The following DAPK2 variants were observed in gnomAD, a reference collection of about 807,000 sequenced individuals.
DAPK2 encodes death associated protein kinase 2.
A neutral mutation model predicts 44.1 loss-of-function variants in DAPK2; 35 were observed. That is an observed-to-expected ratio of 0.79 (90% CI 0.61 to 1.05). The LOEUF is 1.05. Ranked by LOEUF, DAPK2 falls within the 50% of genes least tolerant of loss-of-function variation. DAPK2 has a pLI of 0.00. For synonymous variants in DAPK2, 174 were observed against 182.6 expected (o/e 0.95, Z 0.38); for missense variants, 453 against 483.2 (o/e 0.94, Z 0.59).
At chr15:63,991,214 G>C (rs1366704683) in intron 1 of DAPK2, 1 of 456,162 alleles carries the variant, frequency 2.2e-6, no homozygotes, top group African/African-American at 2.0e-5. Context: ...CAAGGGTAAG[G>C]AGGAAAAGTT....
chr15:64,041,223 C>A (rs561769245), upstream of DAPK2, among the ~76,000 whole-genome samples: 27 of 152,320 alleles, frequency 1.8e-4, no homozygotes, highest in African/African-American at 6.5e-4. Context: ...TTCCTACAGG[C>A]ACCAGGAGTC....
chr15:63,968,568 T>C (rs2140712676), intron 3 of DAPK2, among the ~76,000 whole-genome samples: 1 of 152,372 alleles, frequency 6.6e-6, no homozygotes, highest in South Asian at 2.1e-4. Flanking sequence ...ACAAAAGTTC[T>C]ATTTCCTTTT....
intron 1 of DAPK2, among the ~76,000 whole-genome samples, chr15:63,984,194 G>A (rs1017070340): frequency 2.0e-5 from 3 of 152,142 alleles, no homozygotes; most frequent in South Asian, 2.1e-4. Context: ...CATAGTGGGG[G>A]AGCATCACAG....
chr15:63,993,913 G>C (rs150634053), intron 1 of DAPK2, among the ~76,000 whole-genome samples: 1 of 152,020 alleles, frequency 6.6e-6, no homozygotes, highest in East Asian at 1.9e-4. Flanking sequence ...AGACACACAC[G>C]GTGGTTTCTG....
intron 1 of DAPK2, among the ~76,000 whole-genome samples, chr15:63,999,329 G>T (rs1382863160): frequency 6.6e-6 from 1 of 152,200 alleles, no homozygotes; most frequent in Non-Finnish European, 1.5e-5. Flanking sequence ...TGGGGACTGG[G>T]AGGACAGTTC....
chr15:63,967,905 T>G (rs937957388), intron 3 of DAPK2, among the ~76,000 whole-genome samples: 3 of 151,960 alleles, frequency 2.0e-5, no homozygotes, highest in African/African-American at 4.8e-5. Flanking sequence ...AAGGTGTGCA[T>G]AGAGAACAGG....
At chr15:63,981,801 T>G (rs11631058) in intron 2 of DAPK2, among the ~76,000 whole-genome samples, 125,850 of 152,020 alleles carry the variant, frequency 0.83, 53,499 homozygotes, top group East Asian at 0.97. Flanking sequence ...AGGCATCCAG[T>G]AGTCCAACCA....
Position 64,010,176 on chromosome 15 carries a change from T to G in DAPK2, c.93-26422A>C, listed in dbSNP as rs546456128. 7.2e-5 allele frequency among the ~76,000 whole-genome samples: 11 copies of G among 152,264 alleles called. No individual in the cohort carries two copies. In the East Asian group the frequency reaches 2.1e-3, roughly 29 times the overall value. ...AGCTCAGACCCACAGAGTCAGGAAC[T>G]CTGGGGGTGGGGCCCAGCATCTGTG... On this transcript the variant is annotated intron_variant, in intron 1 of 10. Transcript: ENST00000261891.
intron 1 of DAPK2, among the ~76,000 whole-genome samples, chr15:64,004,939 T>G (rs1170941281): frequency 6.6e-6 from 1 of 152,162 alleles, no homozygotes; most frequent in Non-Finnish European, 1.5e-5. Context: ...ACTCCCAGAG[T>G]TCCTTTGAGA....
chr15:64,010,307 T>A (rs188964756), intron 1 of DAPK2, among the ~76,000 whole-genome samples: 3 of 152,328 alleles, frequency 2.0e-5, no homozygotes, highest in Admixed American at 6.5e-5. Context: ...GTTTCTTCTA[T>A]CTCTAAAGAC....
chr15:63,968,716 GGTTCAGGT>G (rs1306529641), intron 3 of DAPK2, among the ~76,000 whole-genome samples: 2 of 152,306 alleles, frequency 1.3e-5, no homozygotes, highest in East Asian at 3.9e-4. Flanking sequence ...GAAAAGCTGA[GGTTCAGGT>G]GTATCATGGT....
At chr15:64,044,615 A>G (rs1469842680), upstream of DAPK2, among the ~76,000 whole-genome samples, 4 of 151,746 alleles carry the variant, frequency 2.6e-5, no homozygotes, top group Non-Finnish European at 1.5e-5. Flanking sequence ...AGCCACCCCA[A>G]CTCCTCCAAG....
chr15:64,002,442 T>C (rs1567266056), intron 1 of DAPK2, among the ~76,000 whole-genome samples: 1 of 152,218 alleles, frequency 6.6e-6, no homozygotes, highest in Non-Finnish European at 1.5e-5. Context: ...CTATTGTCCC[T>C]GTGTCTTCCA....
At position 63,912,169 on chromosome 15, in the gene DAPK2, C is replaced by A. The variant is rs766325954; in HGVS notation, c.887G>T (p.Arg296Leu). 3 of 1,614,020 alleles carry A rather than the reference C, an allele frequency of 1.9e-6. No individual in the cohort carries two copies. The highest frequency in any genetic ancestry group is 2.5e-6 in the Non-Finnish European group (3 of 1,179,998). The change falls in exon 9 of 11, where the codon CGC becomes CTC. Residue 296 changes from arginine to leucine, a missense_variant. Physicochemically the swap from Arg to Leu is moderately radical, Grantham distance 102. Coordinates refer to ENST00000261891, the Ensembl canonical transcript of DAPK2. This position sits in a 1 kb window ranked among gnomAD's most constrained non-coding sequence, Gnocchi z 4.4. ...CTCCAGATTGACCACAGACTCCCTG[C>A]GCACCATGGCTTGCTGGTTGTCCAC... is the stretch of plus-strand genomic sequence containing the variant.
chr15:64,009,032 C>T (rs1430172840), intron 1 of DAPK2, among the ~76,000 whole-genome samples: 1 of 152,218 alleles, frequency 6.6e-6, no homozygotes, highest in African/African-American at 2.4e-5. Context: ...TGATCCTTCC[C>T]TCAAGGTGTC....
intron 1 of DAPK2, among the ~76,000 whole-genome samples, chr15:64,017,394 C>A (rs1223644267): frequency 6.6e-6 from 1 of 152,216 alleles, no homozygotes; most frequent in Non-Finnish European, 1.5e-5. Context: ...CAAAGCACCA[C>A]ACGAAGCCCC....
At chr15:63,970,922 C>T in intron 3 of DAPK2, among the ~76,000 whole-genome samples, 1 of 152,128 alleles carries the variant, frequency 6.6e-6, no homozygotes, top group East Asian at 1.9e-4. Flanking sequence ...CAGTTTGGAG[C>T]ACAGTAGGGG....
At chr15:63,972,693 G>A (rs988749290) in intron 2 of DAPK2, among the ~76,000 whole-genome samples, 2 of 152,216 alleles carry the variant, frequency 1.3e-5, no homozygotes, top group Admixed American at 6.5e-5. Flanking sequence ...TGTTGGAAGA[G>A]TGTCCTGGTT....
intron 1 of DAPK2, among the ~76,000 whole-genome samples, chr15:64,030,687 C>T (rs1441164599): frequency 6.6e-6 from 1 of 152,044 alleles, no homozygotes; most frequent in Non-Finnish European, 1.5e-5. Context: ...TAGATGACCT[C>T]TGAAGAATCT....
Sources: allele counts gnomAD v4.1 joint callset (sites outside exome capture counted in the v4.1 genomes callset), GRCh38; gene constraint gnomAD v4.1.1; non-coding constraint Gnocchi (gnomAD v3.1); transcripts MANE v1.5; gene names NCBI Gene and HGNC (gene_info 2026-07-23, HGNC 2026-07-21).